The following TRPM3 variants were observed in gnomAD, a reference collection of about 807,000 sequenced individuals.
TRPM3 encodes long transient receptor potential channel 3.
Under a neutral mutation model 181.2 loss-of-function variants are expected in TRPM3, and 77 were observed. That is an observed-to-expected ratio of 0.42 (90% CI 0.35 to 0.51). The LOEUF (loss-of-function observed/expected upper bound fraction) is 0.51, where lower values mean the gene tolerates loss of function less well. TRPM3 is among the 20% of genes least tolerant of loss of function. The pLI is 0.01. For missense variants in TRPM3, 1,759 were observed against 2,196.7 expected, an observed-to-expected ratio of 0.80 and a Z score of 3.98; for synonymous variants, 745 against 796.4, an observed-to-expected ratio of 0.94 and a Z score of 1.09.
Position 71,233,486 on chromosome 9 carries a change from G to A in TRPM3, c.183+213167C>T, listed in dbSNP as rs781186514. 2.2e-4 allele frequency among the ~76,000 whole-genome samples: 33 copies of A among 152,234 alleles called. No homozygotes were observed. In the Middle Eastern group the frequency reaches 0.02, roughly 94 times the overall value. The stretch of plus-strand genomic sequence containing the variant: ...AAACTTAAAAGCCATATTAAGATGT[G>A]AGAAAATCTTATATTATTTTGCAAA... On this transcript the variant is annotated intron_variant, in intron 1 of 24. Coordinates refer to the TRPM3 transcript ENST00000357533.
chr9:71,349,560 A>G (rs2091481922), intron 1 of TRPM3, among the ~76,000 whole-genome samples: 3 of 152,236 alleles, frequency 2.0e-5, no homozygotes, highest in Non-Finnish European at 4.4e-5. Context: ...AAGATATTTT[A>G]TAATATTTTA....
intron 1 of TRPM3, among the ~76,000 whole-genome samples, chr9:71,169,326 C>T (rs1448384335): frequency 1.3e-5 from 2 of 152,160 alleles, no homozygotes; most frequent in Admixed American, 6.5e-5. Flanking sequence ...TATTCACCAA[C>T]GGTTGGAAAC....
chr9:71,322,256 T>C (rs2089293733), intron 1 of TRPM3, among the ~76,000 whole-genome samples: 1 of 152,102 alleles, frequency 6.6e-6, no homozygotes, highest in Non-Finnish European at 1.5e-5. Context: ...AGATTTTAGA[T>C]CTCCCTAACG....
intron 1 of TRPM3, among the ~76,000 whole-genome samples, chr9:71,385,267 G>A (rs923743359): frequency 3.9e-5 from 6 of 152,134 alleles, no homozygotes; most frequent in African/African-American, 1.4e-4. Context: ...AATTATTTCT[G>A]AAAAATATTT....
intron 1 of TRPM3, among the ~76,000 whole-genome samples, chr9:70,900,276 G>T (rs2096365310): frequency 6.6e-6 from 1 of 152,114 alleles, no homozygotes; most frequent in South Asian, 2.1e-4. Flanking sequence ...AGGAGGCGGA[G>T]GTTGCAGTGA....
At chr9:71,205,760 T>C (rs2079086132) in intron 1 of TRPM3, among the ~76,000 whole-genome samples, 1 of 152,220 alleles carries the variant, frequency 6.6e-6, no homozygotes, top group Non-Finnish European at 1.5e-5. Context: ...GGAAAGTGAT[T>C]CATTCACACA....
At chr9:70,877,151 ACAAT>A (rs767094082) in intron 1 of TRPM3, among the ~76,000 whole-genome samples, 1 of 152,094 alleles carries the variant, frequency 6.6e-6, no homozygotes, top group Middle Eastern at 3.4e-3. Context: ...CCCACACTCC[ACAAT>A]CATTCAATGA....
chr9:70,696,086 GA>G (rs1219947807), intron 8 of TRPM3, among the ~76,000 whole-genome samples: 1 of 152,196 alleles, frequency 6.6e-6, no homozygotes, highest in Admixed American at 6.5e-5. Flanking sequence ...CAATCAGCTT[GA>G]AGAAGGGGCA....
At chr9:71,217,164 A>T (rs2079939065) in intron 1 of TRPM3, among the ~76,000 whole-genome samples, 1 of 151,124 alleles carries the variant, frequency 6.6e-6, no homozygotes, top group Non-Finnish European at 1.5e-5. Context: ...GTTAGCCAGG[A>T]TGGTCTCGAT....
intron 6 of TRPM3, among the ~76,000 whole-genome samples, chr9:70,796,619 A>C (rs1238483408): frequency 6.6e-6 from 1 of 152,246 alleles, no homozygotes; most frequent in Non-Finnish European, 1.5e-5. Context: ...TCAATCAACT[A>C]TGATGGTATT....
chr9:70,794,462 A>T (rs781504063), intron 6 of TRPM3, among the ~76,000 whole-genome samples: 1 of 151,870 alleles, frequency 6.6e-6, no homozygotes, highest in Non-Finnish European at 1.5e-5. Context: ...GGCAACATGG[A>T]CCCCAAGACT....
At chr9:70,541,701 G>C (rs752553756) in intron 25 of TRPM3, among the ~76,000 whole-genome samples, 1 of 152,082 alleles carries the variant, frequency 6.6e-6, no homozygotes, top group Non-Finnish European at 1.5e-5. Flanking sequence ...AGTAGAGATG[G>C]GGTTTCTCCA....
At chr9:70,927,918 C>A (rs1322687636) in intron 1 of TRPM3, among the ~76,000 whole-genome samples, 1 of 152,194 alleles carries the variant, frequency 6.6e-6, no homozygotes, top group African/African-American at 2.4e-5. Flanking sequence ...CACCTATAGG[C>A]AATCTTTATT....
At chr9:70,917,780 G>A (rs990943677) in intron 1 of TRPM3, among the ~76,000 whole-genome samples, 2 of 151,878 alleles carry the variant, frequency 1.3e-5, no homozygotes, top group African/African-American at 4.8e-5. Flanking sequence ...AGTGGTAGGA[G>A]TAAGTCCTTA....
At chr9:71,407,263 G>A (rs780515095) in intron 1 of TRPM3, among the ~76,000 whole-genome samples, 2 of 152,144 alleles carry the variant, frequency 1.3e-5, no homozygotes, top group African/African-American at 2.4e-5. Context: ...GTGAGCTGAA[G>A]CACAGTGGGG....
intron 22 of TRPM3, among the ~76,000 whole-genome samples, chr9:70,588,747 G>C (rs543466331): frequency 2.0e-5 from 3 of 152,334 alleles, no homozygotes; most frequent in Admixed American, 2.0e-4. Context: ...CTTGGTACTT[G>C]GGACTCCAGA....
At chr9:71,199,769 CTTT>C (rs2049192078) in intron 1 of TRPM3, among the ~76,000 whole-genome samples, 1 of 150,102 alleles carries the variant, frequency 6.7e-6, no homozygotes, top group South Asian at 2.1e-4. Context: ...CTCTTTTCTT[CTTT>C]ATTAGTCTTG....
At chr9:71,079,941 C>T (rs763421021) in intron 1 of TRPM3, among the ~76,000 whole-genome samples, 1 of 152,062 alleles carries the variant, frequency 6.6e-6, no homozygotes, top group Non-Finnish European at 1.5e-5. Flanking sequence ...GAGGCCAAGG[C>T]GGGCAGATCA....
intron 7 of TRPM3, among the ~76,000 whole-genome samples, chr9:70,773,832 A>G (rs925569767): frequency 6.6e-6 from 1 of 152,166 alleles, no homozygotes; most frequent in South Asian, 2.1e-4. Flanking sequence ...CCTTTGTTCT[A>G]TCTTCCAGAC....
Sources: gnomAD v4.1 joint callset for allele counts (sites outside exome capture counted in the v4.1 genomes callset) on GRCh38, gnomAD v4.1.1 for gene constraint, MANE v1.5 for transcripts, NCBI Gene and HGNC (gene_info 2026-07-23, HGNC 2026-07-21) for gene names.